The following NRXN3 variants were observed in gnomAD, a reference collection of about 807,000 sequenced individuals.
The protein encoded by NRXN3 is neurexin 3, also known as neurexin III.
In NRXN3, 32 loss-of-function variants were observed where a neutral mutation model predicts 137.6. The observed-to-expected ratio is 0.23, with a 90% CI of 0.18 to 0.31. NRXN3 has a LOEUF of 0.31. Ranked by LOEUF, NRXN3 falls within the 10% of genes least tolerant of loss-of-function variation. The pLI is 1.00. For missense variants in NRXN3, 1,574 were observed against 2,062.5 expected (o/e 0.76, Z 4.59); for synonymous variants, 798 against 784.5 (o/e 1.02, Z -0.29).
At chr14:79,722,945 T>C (rs1297663591) in intron 19 of NRXN3, among the ~76,000 whole-genome samples, 1 of 152,156 alleles carries the variant, frequency 6.6e-6, no homozygotes, top group Non-Finnish European at 1.5e-5. Context: ...CCTTGGAGTT[T>C]TGAGATTAAG....
At chr14:79,012,877 G>A (rs902897230) in intron 15 of NRXN3, among the ~76,000 whole-genome samples, 2 of 152,118 alleles carry the variant, frequency 1.3e-5, no homozygotes, top group African/African-American at 4.8e-5. Context: ...TGGACAGAGA[G>A]GCCTTGGAAG....
At chr14:79,176,929 T>C (rs1448547178) in intron 15 of NRXN3, among the ~76,000 whole-genome samples, 2 of 152,184 alleles carry the variant, frequency 1.3e-5, no homozygotes, top group Non-Finnish European at 2.9e-5. Context: ...GATGAAGCAT[T>C]GTTGGATGGA....
At chr14:78,528,724 T>A (rs1473824371) in intron 4 of NRXN3, among the ~76,000 whole-genome samples, 8 of 152,168 alleles carry the variant, frequency 5.3e-5, no homozygotes, top group Non-Finnish European at 1.5e-5. Context: ...TTTTTCAGAA[T>A]GAGGTGAGTG....
intron 4 of NRXN3, among the ~76,000 whole-genome samples, chr14:78,597,451 G>GT (rs1308822966): frequency 2.6e-5 from 4 of 151,860 alleles, no homozygotes; most frequent in African/African-American, 9.7e-5. Flanking sequence ...TTTTTTTCCA[G>GT]TTTTTATCTC....
chr14:79,534,956 A>G (rs1327783044), intron 16 of NRXN3, among the ~76,000 whole-genome samples: 1 of 152,208 alleles, frequency 6.6e-6, no homozygotes, highest in Non-Finnish European at 1.5e-5. Context: ...CTTTCTAAAC[A>G]TTGGTAGTAG....
intron 4 of NRXN3, among the ~76,000 whole-genome samples, chr14:78,527,197 A>T (rs987957708): frequency 2.6e-5 from 4 of 152,190 alleles, no homozygotes; most frequent in Non-Finnish European, 5.9e-5. Context: ...GAGACTGAGT[A>T]ATTTATAAAG....
chr14:78,851,774 G>A (rs950131504), intron 10 of NRXN3, among the ~76,000 whole-genome samples: 15 of 152,166 alleles, frequency 9.9e-5, no homozygotes, highest in African/African-American at 3.6e-4. Context: ...TTAGAAAAAT[G>A]TTACAGGGTT....
At position 78,284,796 on chromosome 14, in the gene NRXN3, A is replaced by G. The variant is rs552467896; in HGVS notation, c.727+6134A>G. ...GTGCTTGCAGTCAAGAGGTCCCTCA[A>G]ACTTAGATCCCAGCCATTGTTCTCA... On this transcript the variant is annotated intron_variant, in intron 3 of 20. Transcript: ENST00000335750. Among the ~76,000 whole-genome samples, 19 of 152,154 alleles carry G rather than the reference A, an allele frequency of 1.2e-4. No individual in the cohort carries two copies. In the South Asian group the frequency reaches 3.9e-3, roughly 32 times the overall value.
intron 8 of NRXN3, among the ~76,000 whole-genome samples, chr14:78,745,609 G>A (rs373800250): frequency 6.6e-6 from 1 of 152,174 alleles, no homozygotes; most frequent in Non-Finnish European, 1.5e-5. Context: ...CTTTGCGTTT[G>A]CCTCTTTTCC....
intron 15 of NRXN3, among the ~76,000 whole-genome samples, chr14:79,048,716 G>C (rs1375776694): frequency 6.6e-6 from 1 of 151,600 alleles, no homozygotes; most frequent in African/African-American, 2.4e-5. Context: ...CTGAAGGTTG[G>C]GGTGGCTATG....
chr14:78,927,146 C>T, intron 10 of NRXN3, among the ~76,000 whole-genome samples: 1 of 78,596 alleles, frequency 1.3e-5, no homozygotes, highest in Non-Finnish European at 2.1e-5. Context: ...TGGAGTGAGA[C>T]CCTCAAAAAA....
chr14:79,401,853 A>T (rs2095205773), intron 15 of NRXN3, among the ~76,000 whole-genome samples: 1 of 151,620 alleles, frequency 6.6e-6, no homozygotes, highest in African/African-American at 2.4e-5. Flanking sequence ...TGGTAATGAA[A>T]AAAAAAAAAA....
At chr14:78,629,646 G>A (rs1316563146) in intron 4 of NRXN3, among the ~76,000 whole-genome samples, 3 of 152,178 alleles carry the variant, frequency 2.0e-5, no homozygotes, top group African/African-American at 7.2e-5. Flanking sequence ...ATAATACAGA[G>A]GACACTTGTG....
chr14:78,702,047 G>A (rs2098285790), intron 6 of NRXN3, among the ~76,000 whole-genome samples: 1 of 152,158 alleles, frequency 6.6e-6, no homozygotes. Context: ...TGTGACTCTG[G>A]TCATGCCAGA....
intron 15 of NRXN3, among the ~76,000 whole-genome samples, chr14:79,073,043 C>T (rs989664360): frequency 2.0e-5 from 3 of 152,038 alleles, no homozygotes; most frequent in South Asian, 2.1e-4. Context: ...CCCACCACCA[C>T]GCCTGGCTAA....
chr14:79,754,900 C>A (rs1353880883), intron 19 of NRXN3, among the ~76,000 whole-genome samples: 1 of 152,066 alleles, frequency 6.6e-6, no homozygotes, highest in Non-Finnish European at 1.5e-5. Context: ...CTCTGCTCTT[C>A]CCTTCTTTAA....
intron 4 of NRXN3, among the ~76,000 whole-genome samples, chr14:78,570,090 G>A (rs1375538566): frequency 6.6e-6 from 1 of 152,210 alleles, no homozygotes; most frequent in Non-Finnish European, 1.5e-5. Flanking sequence ...CTATGCAATG[G>A]AATGTTTGTG....
At position 78,638,473 on chromosome 14, in the gene NRXN3, A is replaced by G. The variant is rs73326201; in HGVS notation, c.758-6647A>G. On this transcript the variant is annotated intron_variant, in intron 4 of 20. Coordinates refer to ENST00000335750, the MANE Select transcript of NRXN3 (RefSeq NM_001330195.2). Reference sequence around the variant, plus strand: ...TAAGGGAAATGAGACAGGGAGAGCCAAGAGTGCAGTTCACTTGTGCAATCT... The same window carrying G: ...TAAGGGAAATGAGACAGGGAGAGCCGAGAGTGCAGTTCACTTGTGCAATCT... Among the ~76,000 whole-genome samples, 618 of 152,332 alleles carry G rather than the reference A, an allele frequency of 4.1e-3. 2 individuals are homozygous for G. The highest frequency in any genetic ancestry group is 0.014 in the African/African-American group (582 of 41,566).
chr14:79,166,284 C>T (rs1033695393), intron 15 of NRXN3, among the ~76,000 whole-genome samples: 3 of 151,768 alleles, frequency 2.0e-5, no homozygotes, highest in African/African-American at 7.3e-5. Flanking sequence ...TTCATCATGC[C>T]GGCTCCTTCT....
Sources: allele counts gnomAD v4.1 joint callset (sites outside exome capture counted in the v4.1 genomes callset), GRCh38; gene constraint gnomAD v4.1.1; transcripts MANE v1.5; gene names NCBI Gene and HGNC (gene_info 2026-07-23, HGNC 2026-07-21).